Variants in WAC observed in about 807,000 individuals in gnomAD.
The protein encoded by WAC is WW domain-containing adapter protein with coiled-coil.
WAC carries 11 observed loss-of-function variants against 79.6 expected under a neutral mutation model. The observed-to-expected ratio is 0.14, with a 90% CI of 0.09 to 0.23. The LOEUF (loss-of-function observed/expected upper bound fraction) is 0.23. WAC is among the 10% of genes least tolerant of loss of function. The pLI is 1.00. For missense variants in WAC, 728 were observed against 773.5 expected, an observed-to-expected ratio of 0.94 and a Z score of 0.70; for synonymous variants, 304 against 276.9, an observed-to-expected ratio of 1.10 and a Z score of -0.97.
At chr10:28,599,954 G>T (rs1007452488) in intron 7 of WAC, among the ~76,000 whole-genome samples, 19 of 152,052 alleles carry the variant, frequency 1.2e-4, no homozygotes, top group African/African-American at 4.6e-4. Flanking sequence ...TTATCAGTTG[G>T]CACCCAAATG....
At chr10:28,599,899 C>G (rs1397617101) in intron 7 of WAC, among the ~76,000 whole-genome samples, 1 of 152,060 alleles carries the variant, frequency 6.6e-6, no homozygotes, top group Non-Finnish European at 1.5e-5. Flanking sequence ...CACCATACAA[C>G]AAGTAGAGAA....
At chr10:28,542,464 A>C (rs937047033) in intron 3 of WAC, among the ~76,000 whole-genome samples, 1 of 152,254 alleles carries the variant, frequency 6.6e-6, no homozygotes, top group Non-Finnish European at 1.5e-5. Flanking sequence ...TTAAAAAGAT[A>C]GGAACCTAAT....
Position 28,535,776 on chromosome 10 carries a change from GAAACTTTGACATACAGTTTTAACAAT to G in WAC, c.274+21_274+46del, listed in dbSNP as rs1337514774. The G allele has an allele frequency of 8.2e-6, 13 of 1,583,436 alleles. No individual in the cohort carries two copies. The highest frequency in any genetic ancestry group is 1.1e-5 in the Non-Finnish European group (13 of 1,162,326). On this transcript the variant is annotated intron_variant, in intron 3 of 13. Transcript: ENST00000354911. Reference sequence around the variant, plus strand: ...GATGGTGGTGAGTATCTTTCTTGTTGAAACTTTGACATACAGTTTTAACAATAGCTCTATATAAAAGGCGGCAGTAG... The same window carrying G: ...GATGGTGGTGAGTATCTTTCTTGTTGAGCTCTATATAAAAGGCGGCAGTAG...
At chr10:28,588,802 A>G (rs1169779167) in intron 4 of WAC, 2 of 152,170 alleles carry the variant, frequency 1.3e-5, no homozygotes, top group Non-Finnish European at 2.9e-5. Flanking sequence ...CATACAGTAT[A>G]TTTTTATAAT....
rs1341330483 is a variant in WAC, at chr10:28,541,415, GTTTTGTTTTTTTTTTTT to G, written c.274+5663_274+5679del. On this transcript the variant is annotated intron_variant, in intron 3 of 13. Transcript: ENST00000354911. ...TTTTTGTGGGGTTGTGTGTGTGTGTGTTTTGTTTTTTTTTTTTTTTTTTTTTTTTTTAAGACAGTCTC... is the reference window on the plus strand; with the variant it reads ...TTTTTGTGGGGTTGTGTGTGTGTGTGTTTTTTTTTTTTTTAAGACAGTCTC... Among the ~76,000 whole-genome samples the G allele has an allele frequency of 8.8e-3, 332 of 37,894 alleles. 7 individuals are homozygous for G. The highest frequency in any genetic ancestry group is 0.019 in the Admixed American group (47 of 2,464). 24.9% of individuals were successfully genotyped at this position (37,894 alleles called of 152,430 possible). A position where few individuals can be genotyped will look rare whatever the true frequency, so the allele number is the denominator to read the frequency against.
At chr10:28,608,151 A>T in intron 7 of WAC, 35 bp from the exon 8 acceptor site, 1 of 1,609,860 alleles carries the variant, frequency 6.2e-7, no homozygotes, top group Non-Finnish European at 8.5e-7. Flanking sequence ...TTCTCTATTC[A>T]GGTAATTTTT....
At chr10:28,563,744 C>CTTTTTTTTT (rs71281550) in intron 3 of WAC, among the ~76,000 whole-genome samples, 1,095 of 67,796 alleles carry the variant, frequency 0.016, 78 homozygotes, top group East Asian at 0.045. Flanking sequence ...CTACACCCAG[C>CTTTTTTTTT]TTTTTTTTTT....
intron 6 of WAC, among the ~76,000 whole-genome samples, chr10:28,592,863 GTTC>G (rs1383960406): frequency 1.3e-5 from 2 of 151,988 alleles, no homozygotes; most frequent in Admixed American, 6.5e-5. Flanking sequence ...TTTTTTACCT[GTTC>G]TTTTATTCAG....
At chr10:28,617,551 G>A (rs1388185509) in intron 12 of WAC, 106 bp from the exon 13 acceptor site, 3 of 1,088,410 alleles carry the variant, frequency 2.8e-6, no homozygotes, top group Non-Finnish European at 3.7e-6. Context: ...GAAGGGAAAA[G>A]GATTATTCTC....
intron 4 of WAC, among the ~76,000 whole-genome samples, chr10:28,588,567 C>A (rs1034440259): frequency 6.6e-6 from 1 of 152,102 alleles, no homozygotes; most frequent in Non-Finnish European, 1.5e-5. Flanking sequence ...CAGCTTGTTT[C>A]CTAGTTGTTA....
chr10:28,605,831 T>C (rs1007359573), intron 7 of WAC, among the ~76,000 whole-genome samples: 1 of 152,142 alleles, frequency 6.6e-6, no homozygotes, highest in Non-Finnish European at 1.5e-5. Flanking sequence ...GAAGAAAATT[T>C]ACAGAAATAA....
intron 3 of WAC, among the ~76,000 whole-genome samples, chr10:28,551,783 CTTGTGT>C (rs1421949550): frequency 3.7e-5 from 2 of 53,520 alleles, no homozygotes; most frequent in Non-Finnish European, 7.2e-5. Context: ...TTCCTGTCTA[CTTGTGT>C]GTGTGTGTGT....
Position 28,619,579 on chromosome 10 carries a change from A to G in WAC, c.1917A>G (p.Leu639=), listed in dbSNP as rs1176013574. The change falls in exon 14 of 14, where the codon CTA becomes CTG. Residue 639 remains leucine (L), a synonymous_variant. Transcript: ENST00000354911. ...LRQQIKELEK[L]KNQNSFMV Reference sequence around the variant, plus strand: ...AACAAATTAAGGAACTTGAAAAGCTAAAAAATCAGAATTCCTTCATGGTGT... The same window carrying G: ...AACAAATTAAGGAACTTGAAAAGCTGAAAAATCAGAATTCCTTCATGGTGT... 3.8e-6 allele frequency: 6 copies of G among 1,579,738 alleles called. No homozygotes were observed. Among genetic ancestry groups the G allele is most frequent in the African/African-American group, 1.4e-5 (1 of 72,406 alleles).
Position 28,588,767 on chromosome 10 carries a change from T to C in WAC, c.382-969T>C, listed in dbSNP as rs138521165. Reference sequence around the variant, plus strand: ...CTAAATTGACAATTCTACATATTTATGGGGTACATAGTGATGTTTCGATAC... The same window carrying C: ...CTAAATTGACAATTCTACATATTTACGGGGTACATAGTGATGTTTCGATAC... On this transcript the variant is annotated intron_variant, in intron 4 of 13. Transcript: ENST00000354911. 525 of 152,318 alleles carry C rather than the reference T, an allele frequency of 3.4e-3. 2 individuals carry two copies. Among genetic ancestry groups the C allele is most frequent in the African/African-American group, 0.012 (498 of 41,558 alleles). 9.4% of individuals were successfully genotyped at this position (152,318 alleles called of 1,614,324 possible).
chr10:28,581,182 G>T (rs1484506896), intron 3 of WAC, among the ~76,000 whole-genome samples: 1 of 150,864 alleles, frequency 6.6e-6, no homozygotes, highest in Non-Finnish European at 1.5e-5. Context: ...TAGGAAAGCA[G>T]GTGTTCAGTA....
chr10:28,556,362 G>T, intron 3 of WAC, among the ~76,000 whole-genome samples: 1 of 128,674 alleles, frequency 7.8e-6, no homozygotes. Flanking sequence ...TTTAAAAATG[G>T]TAGATTCAAT....
At chr10:28,581,235 ATTCTTTTTTTT>A (rs1333878239) in intron 3 of WAC, among the ~76,000 whole-genome samples, 38 of 105,206 alleles carry the variant, frequency 3.6e-4, no homozygotes, top group Non-Finnish European at 6.1e-4. Context: ...ACAATGAGCG[ATTCTTTTTTTT>A]TTTTTTTTTT....
At chr10:28,584,083 G>A (rs1039460043) in intron 4 of WAC, among the ~76,000 whole-genome samples, 3 of 152,072 alleles carry the variant, frequency 2.0e-5, no homozygotes, top group Non-Finnish European at 4.4e-5. Flanking sequence ...AATTCACCAG[G>A]CATATGCTAA....
intron 6 of WAC, among the ~76,000 whole-genome samples, chr10:28,594,138 C>A (rs1273966329): frequency 6.6e-6 from 1 of 151,980 alleles, no homozygotes; most frequent in Non-Finnish European, 1.5e-5. Flanking sequence ...ACAGCTATAG[C>A]GTCCCCTGTT....
Sources: allele counts gnomAD v4.1 joint callset (sites outside exome capture counted in the v4.1 genomes callset), GRCh38; gene constraint gnomAD v4.1.1; transcripts MANE v1.5; gene names NCBI Gene and HGNC (gene_info 2026-07-23, HGNC 2026-07-21).